Variants in SMYD2 observed in about 807,000 individuals in gnomAD.
SMYD2 encodes the protein SET and MYND domain containing 2.
SMYD2 carries 53 observed loss-of-function variants against 59.1 expected under a neutral mutation model. The observed-to-expected ratio is 0.90, with a 90% CI of 0.72 to 1.13. SMYD2 has a LOEUF of 1.13. Ranked by LOEUF, SMYD2 falls within the 50% of genes most tolerant of loss-of-function variation. The pLI is 0.00. For synonymous variants in SMYD2, 208 were observed against 198.8 expected (o/e 1.05, Z -0.39); for missense variants, 494 against 544.7 (o/e 0.91, Z 0.93).
intron 1 of SMYD2, among the ~76,000 whole-genome samples, chr1:214,282,279 A>C (rs1656463878): frequency 6.6e-6 from 1 of 152,234 alleles, no homozygotes; most frequent in African/African-American, 2.4e-5. Flanking sequence ...TTAATGGATG[A>C]GAAAACTAAA....
intron 2 of SMYD2, 114 bp downstream of exon 2, chr1:214,305,364 G>A: frequency 9.6e-7 from 1 of 1,044,734 alleles, no homozygotes; most frequent in South Asian, 1.3e-5. Flanking sequence ...CATAGGATGT[G>A]GCTGGATATC....
At chr1:214,307,305 A>G (rs778261824) in intron 2 of SMYD2, among the ~76,000 whole-genome samples, 3 of 152,250 alleles carry the variant, frequency 2.0e-5, no homozygotes, top group Non-Finnish European at 4.4e-5. Flanking sequence ...AAAGTTTTAT[A>G]TAAGCTGTAA....
chr1:214,326,591 C>T (rs1433275534), intron 6 of SMYD2, among the ~76,000 whole-genome samples: 1 of 152,182 alleles, frequency 6.6e-6, no homozygotes, highest in Non-Finnish European at 1.5e-5. Context: ...ACCTGTTTAT[C>T]TCAGGCACCA....
intron 7 of SMYD2, 59 bp from the exon 8 acceptor site, chr1:214,330,109 A>C: frequency 2.5e-6 from 3 of 1,178,342 alleles, no homozygotes; most frequent in Non-Finnish European, 3.7e-6. Flanking sequence ...AGGCACGGGA[A>C]TGACAAGGAT....
chr1:214,318,909 G>T lies in SMYD2; in HGVS notation c.460G>T (p.Ala154Ser), dbSNP rs1657127466. The change falls in exon 5 of 12, where the codon GCT (alanine) becomes TCT (serine). Residue 154 changes from alanine to serine, a missense_variant. Coordinates refer to ENST00000366957, the MANE Select transcript of SMYD2 (RefSeq NM_020197.3). The surrounding 1 kb of genome is among the most constrained non-coding windows in gnomAD (Gnocchi z 5.4). ...EKKDLIQSDIAALHHFYSKHL... is the reference protein window; with the variant it reads ...EKKDLIQSDISALHHFYSKHL... ...GAAGGATTTGATTCAGAGTGACATAGCTGCTCTCCATCACTTTTACTCCAA... is the reference window on the plus strand; with the variant it reads ...GAAGGATTTGATTCAGAGTGACATATCTGCTCTCCATCACTTTTACTCCAA... 6.2e-7 allele frequency: 1 copy of T among 1,613,922 alleles called. No homozygotes were observed. Among genetic ancestry groups the T allele is most frequent in the African/African-American group, 1.3e-5 (1 of 74,876 alleles).
intron 5 of SMYD2, among the ~76,000 whole-genome samples, chr1:214,320,425 A>G (rs973186311): frequency 6.6e-6 from 1 of 152,224 alleles, no homozygotes; most frequent in Non-Finnish European, 1.5e-5. Flanking sequence ...GCATGCTAAG[A>G]AGGAGAAAAA....
chr1:214,283,870 A>G (rs1215623748), intron 1 of SMYD2, among the ~76,000 whole-genome samples: 1 of 152,204 alleles, frequency 6.6e-6, no homozygotes, highest in Non-Finnish European at 1.5e-5. Flanking sequence ...TTTCCATGTC[A>G]TACTAATTGT....
intron 1 of SMYD2, among the ~76,000 whole-genome samples, chr1:214,285,024 AG>A (rs1656514220): frequency 6.6e-6 from 1 of 152,188 alleles, no homozygotes; most frequent in South Asian, 2.1e-4. Context: ...TTCTGAGTGT[AG>A]GGGGAACCAG....
intron 1 of SMYD2, among the ~76,000 whole-genome samples, chr1:214,299,126 C>T (rs1656779521): frequency 6.6e-6 from 1 of 152,148 alleles, no homozygotes; most frequent in Non-Finnish European, 1.5e-5. Context: ...TGCCACTGCA[C>T]TCCAACCTGG....
Position 214,332,076 on chromosome 1 carries a change from T to G in SMYD2, c.996T>G (p.Phe332Leu). 3 of 1,614,086 alleles carry G rather than the reference T, an allele frequency of 1.9e-6. No homozygotes were observed. Among genetic ancestry groups the G allele is most frequent in the Non-Finnish European group, 2.5e-6 (3 of 1,180,028 alleles). ...GCCAGGAGAAGATGAGCTCTGTGTT[T>G]GAGGACAGTAACGTGTACATGTTGC... ...ELSQEKMSSV[F>L]EDSNVYMLHM... The change falls in exon 10 of 12, where the codon TTT (phenylalanine) becomes TTG (leucine). Residue 332 changes from phenylalanine to leucine, a missense_variant. Phe to Leu is a conservative substitution (Grantham distance 22, BLOSUM62 0). Transcript: ENST00000366957.
chr1:214,332,231 AT>A, intron 10 of SMYD2, 39 bp downstream of exon 10: 2 of 1,605,908 alleles, frequency 1.2e-6, no homozygotes, highest in Non-Finnish European at 1.7e-6. Flanking sequence ...ACGGAGTGGA[AT>A]TTGGTTGTTT....
intron 1 of SMYD2, among the ~76,000 whole-genome samples, chr1:214,283,528 T>C (rs1318835760): frequency 6.6e-6 from 1 of 152,242 alleles, no homozygotes; most frequent in Non-Finnish European, 1.5e-5. Flanking sequence ...ATTAGAAATA[T>C]CCTTGTACCC....
In SMYD2 at chr1:214,336,698, T is replaced by C; in HGVS notation, c.1222-6T>C. 3 of 1,613,700 alleles carry C rather than the reference T, an allele frequency of 1.9e-6. No individual in the cohort carries two copies. The highest frequency in any genetic ancestry group is 2.5e-6 in the Non-Finnish European group (3 of 1,179,848). On this transcript the variant is annotated splice_polypyrimidine_tract_variant and splice_region_variant and intron_variant, in intron 11 of 11. Transcript: ENST00000366957. ...GGCTCTCATTGTTTGTCTTGCTTTT[T>C]CCTAGGCCATTGCAATCATGGAAGT...
In SMYD2 at chr1:214,281,416, C is replaced by T; in HGVS notation, c.162C>T (p.Tyr54=). The change falls in exon 1 of 12, where the codon TAC becomes TAT. Residue 54 remains tyrosine, a synonymous_variant. Transcript: ENST00000366957. The stretch of plus-strand genomic sequence containing the variant: ...ACGAGCGGGGCAACCACTGCGAGTA[C>T]TGCTTCACCAGGTAGGGCGGCGGCG... ...TVNERGNHCE[Y]CFTRKEGLSK... The T allele has an allele frequency of 6.9e-7, 1 of 1,444,636 alleles. No individual in the cohort carries two copies. The highest frequency in any genetic ancestry group is 9.1e-7 in the Non-Finnish European group (1 of 1,093,610). 89.5% of individuals were successfully genotyped at this position (1,444,636 alleles called of 1,614,324 possible). A position where few individuals can be genotyped will look rare whatever the true frequency, so the allele number is the denominator to read the frequency against.
intron 2 of SMYD2, among the ~76,000 whole-genome samples, chr1:214,310,554 A>G (rs905460358): frequency 3.6e-5 from 4 of 111,296 alleles, no homozygotes; most frequent in African/African-American, 7.4e-5. Flanking sequence ...AGAAAATTTT[A>G]TAAGTATTGC....
At chr1:214,304,883 T>C (rs900758661) in intron 1 of SMYD2, among the ~76,000 whole-genome samples, 1 of 152,202 alleles carries the variant, frequency 6.6e-6, no homozygotes, top group Non-Finnish European at 1.5e-5. Flanking sequence ...ATGATGTTCA[T>C]AGCCTTGGTG....
intron 2 of SMYD2, among the ~76,000 whole-genome samples, chr1:214,309,150 A>G (rs958440970): frequency 2.6e-5 from 4 of 152,156 alleles, no homozygotes; most frequent in Admixed American, 6.5e-5. Context: ...ATTTGGTTCT[A>G]TCTTGTCCCG....
chr1:214,313,359 C>T (rs1467415430), intron 2 of SMYD2, among the ~76,000 whole-genome samples: 4 of 151,884 alleles, frequency 2.6e-5, no homozygotes, highest in African/African-American at 7.3e-5. Context: ...TCGGGTGATC[C>T]GCCCATGTCA....
intron 7 of SMYD2, among the ~76,000 whole-genome samples, 171 bp downstream of exon 7, chr1:214,327,895 C>G (rs116184067): frequency 8.3e-4 from 127 of 152,302 alleles, no homozygotes; most frequent in African/African-American, 2.9e-3. Context: ...GATTTGTAAC[C>G]TGTAGTTTAG....
Sources: gnomAD v4.1 joint callset for allele counts (sites outside exome capture counted in the v4.1 genomes callset) on GRCh38, gnomAD v4.1.1 for gene constraint, Gnocchi (gnomAD v3.1) non-coding constraint, MANE v1.5 for transcripts, NCBI Gene and HGNC (gene_info 2026-07-23, HGNC 2026-07-21) for gene names.